Variants in LRRC4C observed in about 807,000 individuals in gnomAD.
The protein encoded by LRRC4C is leucine rich repeat containing 4C, also known as leucine-rich repeat-containing protein 4C.
A neutral mutation model predicts 33.6 loss-of-function variants in LRRC4C; 5 were observed. The observed-to-expected ratio is 0.15, with a 90% confidence interval of 0.08 to 0.31. LRRC4C has a LOEUF of 0.31. Ranked by LOEUF, LRRC4C falls within the 10% of genes least tolerant of loss-of-function variation. The pLI, the probability that LRRC4C is intolerant of heterozygous loss-of-function variation, is 1.00. For synonymous variants in LRRC4C, 329 were observed against 302.0 expected (o/e 1.09, Z -0.93); for missense variants, 560 against 796.7 (o/e 0.70, Z 3.58).
chr11:40,283,273 A>G (rs1313702130), intron 4 of LRRC4C, among the ~76,000 whole-genome samples: 1 of 152,232 alleles, frequency 6.6e-6, no homozygotes, highest in East Asian at 1.9e-4. Flanking sequence ...AAAGCCAACT[A>G]GATTTCATAC....
intron 3 of LRRC4C, among the ~76,000 whole-genome samples, chr11:40,644,374 A>G (rs973231899): frequency 6.6e-6 from 1 of 152,222 alleles, no homozygotes; most frequent in African/African-American, 2.4e-5. Flanking sequence ...TTAATTTTAA[A>G]AACTAATTAT....
chr11:40,259,653 A>G (rs1160011279), intron 4 of LRRC4C, among the ~76,000 whole-genome samples: 3 of 152,128 alleles, frequency 2.0e-5, no homozygotes, highest in African/African-American at 7.2e-5. Flanking sequence ...TCCCATCACC[A>G]TTTATTAAAT....
intron 3 of LRRC4C, among the ~76,000 whole-genome samples, chr11:40,587,018 A>T (rs1345335486): frequency 6.6e-6 from 1 of 151,852 alleles, no homozygotes; most frequent in Non-Finnish European, 1.5e-5. Flanking sequence ...GAAGAAATTC[A>T]TTGGTAGCTT....
At position 40,225,621 on chromosome 11, in the gene LRRC4C, T is replaced by C. The variant is rs530429327; in HGVS notation, c.-96+15898A>G. Among the ~76,000 whole-genome samples the C allele has an allele frequency of 2.7e-4, 40 of 146,980 alleles. 1 individual carries two copies. Among genetic ancestry groups the C allele is most frequent in the African/African-American group, 8.8e-4 (35 of 39,562 alleles). ...ATTTCCCAATTCTCTCTCTCTCTCT[T>C]TTTTTTTTTTTTTGAGACAGAGTCT... On this transcript the variant is annotated intron_variant, in intron 5 of 6. Coordinates refer to ENST00000528697, the MANE Select transcript of LRRC4C (RefSeq NM_001258419.2).
rs1156973481 is a variant in LRRC4C, at chr11:40,370,513, A to G, written c.-269-50792T>C. 3.3e-5 allele frequency among the ~76,000 whole-genome samples: 5 copies of G among 152,192 alleles called. No homozygotes were observed. The East Asian group carries it at 5.8e-4, about 18-fold the overall frequency. On this transcript the variant is annotated intron_variant, in intron 3 of 6. Coordinates refer to ENST00000528697, the MANE Select transcript of LRRC4C (RefSeq NM_001258419.2). ...GCAACAACAAAAATTTCTTTACTTAATATGTATTTTAAACAAACTTCATTG... is the reference window on the plus strand; with the variant it reads ...GCAACAACAAAAATTTCTTTACTTAGTATGTATTTTAAACAAACTTCATTG...
intron 5 of LRRC4C, among the ~76,000 whole-genome samples, chr11:40,187,584 C>A (rs1861506437): frequency 6.6e-6 from 1 of 152,060 alleles, no homozygotes; most frequent in Non-Finnish European, 1.5e-5. Flanking sequence ...CTGAGAAAGA[C>A]CCTGAAGATT....
chr11:41,449,297 A>G, intron 1 of LRRC4C, among the ~76,000 whole-genome samples: 1 of 152,140 alleles, frequency 6.6e-6, no homozygotes, highest in Non-Finnish European at 1.5e-5. Context: ...ATGAAGTTGA[A>G]GTAAAAACCC....
chr11:41,269,638 C>T (rs917441208), intron 1 of LRRC4C, among the ~76,000 whole-genome samples: 7 of 152,108 alleles, frequency 4.6e-5, no homozygotes, highest in Middle Eastern at 3.4e-3. Context: ...CTCTCTGGTG[C>T]CAATTGTGGG....
intron 3 of LRRC4C, among the ~76,000 whole-genome samples, chr11:40,575,876 G>T (rs548323538): frequency 6.6e-6 from 1 of 152,262 alleles, no homozygotes; most frequent in East Asian, 1.9e-4. Context: ...TGTGTAATGT[G>T]TATGGACAGA....
At chr11:40,441,820 T>C (rs1404777702) in intron 3 of LRRC4C, among the ~76,000 whole-genome samples, 1 of 152,094 alleles carries the variant, frequency 6.6e-6, no homozygotes, top group African/African-American at 2.4e-5. Flanking sequence ...GTAAAAGTAA[T>C]GGTAGATCAA....
At chr11:40,449,551 A>G (rs145803751) in intron 3 of LRRC4C, among the ~76,000 whole-genome samples, 147 of 152,248 alleles carry the variant, frequency 9.7e-4, no homozygotes, top group Middle Eastern at 3.4e-3. Flanking sequence ...GAGGCCCCCA[A>G]AGTTAAGGAA....
At chr11:41,425,332 C>T (rs2138363875) in intron 1 of LRRC4C, among the ~76,000 whole-genome samples, 1 of 152,102 alleles carries the variant, frequency 6.6e-6, no homozygotes, top group Admixed American at 6.6e-5. Context: ...TGGTCGGTTT[C>T]CCAGTTGCTA....
chr11:40,667,854 A>G (rs911819991), intron 2 of LRRC4C, among the ~76,000 whole-genome samples: 6 of 152,246 alleles, frequency 3.9e-5, no homozygotes, highest in African/African-American at 1.2e-4. Context: ...CAGAGGGACT[A>G]GCTAAGCTGT....
chr11:40,642,895 A>G (rs1225149706), intron 3 of LRRC4C, among the ~76,000 whole-genome samples: 1 of 152,220 alleles, frequency 6.6e-6, no homozygotes, highest in East Asian at 1.9e-4. Context: ...CCATCAAAAT[A>G]TCTACAAAAA....
chr11:41,159,357 A>G (rs1944367496), intron 1 of LRRC4C, among the ~76,000 whole-genome samples: 1 of 152,100 alleles, frequency 6.6e-6, no homozygotes, highest in African/African-American at 2.4e-5. Context: ...AGGCTGGATG[A>G]CAAGATGGAC....
chr11:40,780,619 G>T (rs1041135747), intron 2 of LRRC4C, among the ~76,000 whole-genome samples: 6 of 152,042 alleles, frequency 3.9e-5, no homozygotes, highest in African/African-American at 7.2e-5. Flanking sequence ...ATGTAAAATA[G>T]ATACAAAGGG....
At chr11:40,547,308 G>A (rs1956963120) in intron 3 of LRRC4C, among the ~76,000 whole-genome samples, 1 of 151,974 alleles carries the variant, frequency 6.6e-6, no homozygotes, top group African/African-American at 2.4e-5. Context: ...CTAAAATCAT[G>A]GCACTGAAAG....
chr11:40,481,479 C>T (rs972959735), intron 3 of LRRC4C, among the ~76,000 whole-genome samples: 1 of 152,062 alleles, frequency 6.6e-6, no homozygotes, highest in Non-Finnish European at 1.5e-5. Context: ...CTGTCAGAGA[C>T]TGTTGATTGT....
In LRRC4C at chr11:41,187,911, G is replaced by A. The variant is rs139418932; in HGVS notation, c.-495-254188C>T. ...TGAGGAGGATAAGGGAACTTTTCTC[G>A]TTTCAGCAGTAACTACCTCTTGGTT... On this transcript the variant is annotated intron_variant, in intron 1 of 6. Coordinates refer to ENST00000528697, the MANE Select transcript of LRRC4C (RefSeq NM_001258419.2). Among the ~76,000 whole-genome samples, 46 of 152,242 alleles carry A rather than the reference G, an allele frequency of 3.0e-4. No individual in the cohort carries two copies. The East Asian group carries it at 7.4e-3, about 24-fold the overall frequency.
Sources: gnomAD v4.1 joint callset for allele counts (sites outside exome capture counted in the v4.1 genomes callset) on GRCh38, gnomAD v4.1.1 for gene constraint, MANE v1.5 for transcripts, NCBI Gene and HGNC (gene_info 2026-07-23, HGNC 2026-07-21) for gene names.